Variants in COL28A1 observed in about 807,000 individuals in gnomAD.
The protein encoded by COL28A1 is collagen type XXVIII alpha 1 chain.
In COL28A1, 161 loss-of-function variants were observed where a neutral mutation model predicts 150.2. That is an observed-to-expected ratio of 1.07 (90% CI 0.94 to 1.22). The LOEUF (loss-of-function observed/expected upper bound fraction) is 1.22, where lower values mean the gene tolerates loss of function less well. COL28A1 is among the 50% of genes most tolerant of loss of function. The pLI is 0.00. For synonymous variants in COL28A1, 552 were observed against 469.7 expected, an observed-to-expected ratio of 1.18 and a Z score of -2.26; for missense variants, 1,617 against 1,388.3, an observed-to-expected ratio of 1.16 and a Z score of -2.62.
At chr7:7,379,387 G>A (rs756814184) in intron 30 of COL28A1, among the ~76,000 whole-genome samples, 1 of 152,028 alleles carries the variant, frequency 6.6e-6, no homozygotes, top group Non-Finnish European at 1.5e-5. Context: ...TCTGCCTCTT[G>A]GTTGAAAAGC....
Position 7,467,910 on chromosome 7 carries a change from G to A in COL28A1, c.1302+6691C>T, listed in dbSNP as rs967643433. Among the ~76,000 whole-genome samples, 66 of 144,554 alleles carry A rather than the reference G, an allele frequency of 4.6e-4. No homozygotes were observed. In the South Asian group the frequency reaches 0.015, roughly 32 times the overall value. The allele number at this position is 144,554 out of a possible 152,430, so 94.8% of individuals were successfully genotyped here. The stretch of plus-strand genomic sequence containing the variant: ...AATAAAGATGTTCTTTGAAACCAAC[G>A]AGAACAAAGACACAACATTCCAGAA... On this transcript the variant is annotated intron_variant, in intron 15 of 34. Coordinates refer to ENST00000399429, the MANE Select transcript of COL28A1 (RefSeq NM_001037763.3).
chr7:7,409,320 G>T (rs1267817864), intron 27 of COL28A1, among the ~76,000 whole-genome samples: 1 of 152,006 alleles, frequency 6.6e-6, no homozygotes, highest in African/African-American at 2.4e-5. Flanking sequence ...TCTTTCACTT[G>T]ACTTGGTTTT....
In COL28A1 at chr7:7,373,168, T is replaced by C. The variant is rs1158292195; in HGVS notation, c.2738A>G (p.Glu913Gly). The change falls in exon 32 of 35, where the codon GAG becomes GGG. Residue 913 changes from glutamate (E) to glycine (G), a missense_variant. Glu to Gly is a moderately conservative substitution (Grantham distance 98, BLOSUM62 -2). Coordinates refer to ENST00000399429, the MANE Select transcript of COL28A1 (RefSeq NM_001037763.3). This position sits in a 1 kb window ranked among gnomAD's most constrained non-coding sequence, Gnocchi z 4.1. ...ATTCTTCACCACCTCTGTCAGTTTC[T>C]CTTTATCACGAGAATCTGTCTGTCC... ...TDGQTDSRDK[E>G]KLTEVVKNAS... 6.2e-7 allele frequency: 1 copy of C among 1,614,226 alleles called. No homozygotes were observed. Among genetic ancestry groups the C allele is most frequent in the Non-Finnish European group, 8.5e-7 (1 of 1,180,034 alleles).
chr7:7,375,534 T>A, intron 30 of COL28A1, 37 bp from the exon 31 acceptor site: 1 of 1,352,210 alleles, frequency 7.4e-7, no homozygotes. Context: ...ACTATATGTA[T>A]GACTATAATA....
Position 7,490,608 on chromosome 7 carries a change from T to G in COL28A1, c.1065A>C (p.Gly355=). ...PGPPGPYGSP[G]APGIGQQGIK... ...TACCTTGCTGTCCAATTCCAGGAGC[T>G]CCTGGAGAACCATAAGGACCAGGAG... is the stretch of plus-strand genomic sequence containing the variant. Residue 355 remains glycine (G), a synonymous_variant, in exon 12 of 35, where the codon GGA becomes GGC. Transcript: ENST00000399429. 7.1e-7 allele frequency: 1 copy of G among 1,409,288 alleles called. No individual in the cohort carries two copies. The highest frequency in any genetic ancestry group is 1.2e-5 in the South Asian group (1 of 86,148). The allele number at this position is 1,409,288 out of a possible 1,614,324, so 87.3% of individuals were successfully genotyped here.
chr7:7,356,017 T>G (rs888959899), downstream of COL28A1, among the ~76,000 whole-genome samples: 1 of 152,218 alleles, frequency 6.6e-6, no homozygotes, highest in Non-Finnish European at 1.5e-5. Context: ...ATGTATGAAT[T>G]ATAATGCAAT....
rs182294218 is a variant in COL28A1, at chr7:7,516,104, T to C, written c.856-264A>G. On this transcript the variant is annotated intron_variant, in intron 7 of 34. Coordinates refer to ENST00000399429, the MANE Select transcript of COL28A1 (RefSeq NM_001037763.3). ...TTTCCATATCCAGTTTCTTGCCCTT[T>C]GGCCCAAAACTAGAGGAGATAATGT... Among the ~76,000 whole-genome samples the C allele has an allele frequency of 2.4e-4, 36 of 152,388 alleles. 1 individual carries two copies. Among genetic ancestry groups the C allele is most frequent in the African/African-American group, 7.7e-4 (32 of 41,596 alleles).
intron 27 of COL28A1, among the ~76,000 whole-genome samples, chr7:7,411,411 C>T (rs1259984815): frequency 6.6e-6 from 1 of 152,152 alleles, no homozygotes; most frequent in Non-Finnish European, 1.5e-5. Context: ...TCTTCACACC[C>T]CTGTTTGGTC....
At chr7:7,440,027 C>T (rs1466401078) in intron 21 of COL28A1, among the ~76,000 whole-genome samples, 1 of 152,172 alleles carries the variant, frequency 6.6e-6, no homozygotes, top group Non-Finnish European at 1.5e-5. Flanking sequence ...TTTCTAGAGA[C>T]ATGAACTCTC....
chr7:7,474,008 AGT>A (rs1338085334), intron 15 of COL28A1, among the ~76,000 whole-genome samples: 24 of 147,814 alleles, frequency 1.6e-4, no homozygotes, highest in Non-Finnish European at 2.4e-4. Context: ...CATATATTAT[AGT>A]GTGTTTTTAT....
chr7:7,388,783 C>T (rs1219755438), intron 27 of COL28A1, among the ~76,000 whole-genome samples: 1 of 152,108 alleles, frequency 6.6e-6, no homozygotes, highest in Non-Finnish European at 1.5e-5. Flanking sequence ...TTCACGTTTG[C>T]TGACTACATA....
intron 15 of COL28A1, among the ~76,000 whole-genome samples, chr7:7,457,861 C>A (rs1345957860): frequency 1.3e-5 from 2 of 152,154 alleles, no homozygotes; most frequent in Non-Finnish European, 2.9e-5. Flanking sequence ...GGTTAACATG[C>A]TCATTTTAAT....
intron 13 of COL28A1, 128 bp from the exon 14 acceptor site, chr7:7,477,308 G>C (rs1052523073): frequency 3.0e-6 from 2 of 658,948 alleles, no homozygotes; most frequent in East Asian, 2.7e-5. Flanking sequence ...AAAATGGATA[G>C]TTGGATCTGT....
intron 27 of COL28A1, among the ~76,000 whole-genome samples, chr7:7,399,718 C>T (rs1219466004): frequency 6.6e-6 from 1 of 152,216 alleles, no homozygotes; most frequent in African/African-American, 2.4e-5. Context: ...GAAGTGTTTA[C>T]AACCAGATTC....
chr7:7,537,963 G>A (rs950796311), upstream of COL28A1, among the ~76,000 whole-genome samples: 10 of 152,170 alleles, frequency 6.6e-5, no homozygotes, highest in Non-Finnish European at 1.0e-4. Flanking sequence ...CTAGATGGGG[G>A]AAATGGACTA....
At chr7:7,376,090 C>G (rs1260789173) in intron 30 of COL28A1, among the ~76,000 whole-genome samples, 2 of 152,148 alleles carry the variant, frequency 1.3e-5, no homozygotes, top group Non-Finnish European at 2.9e-5. Context: ...TGTCCTGCTG[C>G]CCACAAGCTC....
downstream of COL28A1, among the ~76,000 whole-genome samples, chr7:7,351,890 TAGTTC>T (rs1301313304): frequency 1.3e-5 from 2 of 152,120 alleles, 1 homozygote; most frequent in African/African-American, 4.8e-5. Flanking sequence ...CCTGAAAAAC[TAGTTC>T]AGGCCATCAT....
chr7:7,433,989 C>T (rs1030121055), intron 23 of COL28A1, among the ~76,000 whole-genome samples: 1 of 152,146 alleles, frequency 6.6e-6, no homozygotes, highest in African/African-American at 2.4e-5. Flanking sequence ...CAAAGTCCAA[C>T]TCTCAAAAAC....
the COL28A1 span, among the ~76,000 whole-genome samples, chr7:7,348,875 T>C: frequency 9.9e-5 from 15 of 152,190 alleles, no homozygotes; most frequent in Admixed American, 7.9e-4. Context: ...CTCCAGTAGC[T>C]AGAACTACAA....
Sources: gnomAD v4.1 joint callset for allele counts (sites outside exome capture counted in the v4.1 genomes callset) on GRCh38, gnomAD v4.1.1 for gene constraint, Gnocchi (gnomAD v3.1) non-coding constraint, MANE v1.5 for transcripts, NCBI Gene and HGNC (gene_info 2026-07-23, HGNC 2026-07-21) for gene names.